DHRS7: variants seen among roughly 807,000 people sequenced by gnomAD.
The protein encoded by DHRS7 is dehydrogenase/reductase 7, also known as dehydrogenase/reductase SDR family member 7.
DHRS7 carries 34 observed loss-of-function variants against 38.9 expected under a neutral mutation model. The ratio of observed to expected loss-of-function variants is 0.87; its 90% CI spans 0.66 to 1.16. The LOEUF is 1.16. DHRS7 is among the 50% of genes most tolerant of loss of function. DHRS7 has a pLI of 0.00. For synonymous variants in DHRS7, 158 were observed against 153.1 expected, an observed-to-expected ratio of 1.03 and a Z score of -0.24; for missense variants, 421 against 407.0, an observed-to-expected ratio of 1.03 and a Z score of -0.30.
rs762296159 is a variant in DHRS7 at position 60,162,475 on chromosome 14, G to T, written c.133+2702C>A. 6.6e-6 allele frequency among the ~76,000 whole-genome samples: 1 copy of T among 152,096 alleles called. No individual in the cohort carries two copies. Among genetic ancestry groups the T allele is most frequent in the Non-Finnish European group, 1.5e-5 (1 of 68,024 alleles). On this transcript the variant is annotated intron_variant, in intron 1 of 6. Coordinates refer to ENST00000557185, the MANE Select transcript of DHRS7 (RefSeq NM_016029.4). This position sits in a 1 kb window ranked among gnomAD's most constrained non-coding sequence, Gnocchi z 4.5. The stretch of plus-strand genomic sequence containing the variant: ...GGAGGCAGGAAATGGTGGCTGCCTC[G>T]AGAGAAGCACACTAGGTAGCTAGGG...
At chr14:60,163,583 C>A (rs1290763488) in intron 1 of DHRS7, among the ~76,000 whole-genome samples, 1 of 152,274 alleles carries the variant, frequency 6.6e-6, no homozygotes, top group African/African-American at 2.4e-5. Flanking sequence ...TCAAACTGTT[C>A]TTTTCCGACA....
rs1429177425 is a variant in DHRS7 at position 60,144,840 on chromosome 14, C to T, written c.*126G>A. The stretch of plus-strand genomic sequence containing the variant: ...TTTTTATTTCATTCCATGTTGGAAG[C>T]AAAGTCATATCTATTAAAAAGTAAA... On this transcript the variant is annotated 3_prime_UTR_variant, in exon 7 of 7. Transcript: ENST00000557185. The T allele has an allele frequency of 3.7e-6, 3 of 802,914 alleles. No individual in the cohort carries two copies. Among genetic ancestry groups the T allele is most frequent in the South Asian group, 1.6e-5 (1 of 61,760 alleles). 49.7% of individuals were successfully genotyped at this position (802,914 alleles called of 1,614,324 possible). A position where few individuals can be genotyped will look rare whatever the true frequency, so the allele number is the denominator to read the frequency against.
In DHRS7 at chr14:60,153,247, G is replaced by A. The variant is rs1896587965; in HGVS notation, c.394-69C>T. 1.2e-5 allele frequency: 19 copies of A among 1,547,434 alleles called. No homozygotes were observed. In the South Asian group the frequency reaches 2.1e-4, roughly 17 times the overall value. ...GTGGATAGATTGATGGAATTCCTAT[G>A]GATGGTTGGTTATTTTGTTAACTTA... On this transcript the variant is annotated intron_variant, in intron 3 of 6. Coordinates refer to ENST00000557185, the MANE Select transcript of DHRS7 (RefSeq NM_016029.4). The surrounding 1 kb of genome is among the most constrained non-coding windows in gnomAD (Gnocchi z 4.4).
chr14:60,163,523 C>A (rs1260592050), intron 1 of DHRS7, among the ~76,000 whole-genome samples: 1 of 152,126 alleles, frequency 6.6e-6, no homozygotes, highest in African/African-American at 2.4e-5. Flanking sequence ...TGCAAATTTG[C>A]AAATTATATA....
At chr14:60,167,891 T>C (rs991367675), upstream of DHRS7, among the ~76,000 whole-genome samples, 2 of 152,142 alleles carry the variant, frequency 1.3e-5, no homozygotes, top group African/African-American at 4.8e-5. Flanking sequence ...TGTAAAGACA[T>C]ACCCAACAAA....
chr14:60,159,643 A>T (rs957013844), intron 1 of DHRS7, among the ~76,000 whole-genome samples: 1 of 146,506 alleles, frequency 6.8e-6, no homozygotes, highest in South Asian at 2.3e-4. Flanking sequence ...GCTTAGTAAG[A>T]TATACAAGAA....
upstream of DHRS7, chr14:60,168,554 C>A (rs1015111738): frequency 3.5e-5 from 37 of 1,071,572 alleles, no homozygotes; most frequent in Middle Eastern, 2.9e-4. Context: ...TTTGCAACTT[C>A]CTGTGAATCT....
upstream of DHRS7, chr14:60,168,569 T>C: frequency 8.3e-7 from 1 of 1,206,784 alleles, no homozygotes; most frequent in Non-Finnish European, 1.1e-6. Flanking sequence ...GAATCTATAA[T>C]CATTTTAAAG....
chr14:60,153,271 TAAAG>T lies in DHRS7; in HGVS notation c.394-97_394-94del. ...TGGATGGTTGGTTATTTTGTTAACTTAAAGAATCAATGGAACAATGGTATATTTC... is the reference window on the plus strand; with the variant it reads ...TGGATGGTTGGTTATTTTGTTAACTTAATCAATGGAACAATGGTATATTTC... On this transcript the variant is annotated intron_variant, in intron 3 of 6. Transcript: ENST00000557185. The surrounding 1 kb of genome is among the most constrained non-coding windows in gnomAD (Gnocchi z 4.4). The T allele has an allele frequency of 5.0e-6, 7 of 1,410,912 alleles. No individual in the cohort carries two copies. The highest frequency in any genetic ancestry group is 1.3e-5 in the South Asian group (1 of 77,814). 87.4% of individuals were successfully genotyped at this position (1,410,912 alleles called of 1,614,324 possible).
At chr14:60,149,606 G>C in intron 5 of DHRS7, 38 bp from the exon 6 acceptor site, 3 of 1,504,812 alleles carry the variant, frequency 2.0e-6, no homozygotes, top group Non-Finnish European at 2.7e-6. Context: ...TTATCCAAGC[G>C]ATTTCACATA....
In DHRS7 at chr14:60,144,968, A is replaced by C; in HGVS notation, c.1018T>G (p.Ter340GlyextTer17). 1 of 1,604,844 alleles carries C rather than the reference A, an allele frequency of 6.2e-7. No homozygotes were observed. Among genetic ancestry groups the C allele is most frequent in the Non-Finnish European group, 8.5e-7 (1 of 1,176,562 alleles). ...CTTGAAAAGTACAGGTGCTCTTTTC[A>C]GTCATGTTTTGTCTTAAAGATTTTA... ...YFKIFKTKHD[*>G] The change falls in exon 7 of 7, where the codon TGA (stop) becomes GGA (glycine). Residue 340 changes from the stop codon to glycine, a stop_lost. Coordinates refer to ENST00000557185, the MANE Select transcript of DHRS7 (RefSeq NM_016029.4).
At chr14:60,151,437 TA>T (rs1169159323) in intron 4 of DHRS7, among the ~76,000 whole-genome samples, 5 of 151,414 alleles carry the variant, frequency 3.3e-5, no homozygotes, top group African/African-American at 1.2e-4. Context: ...CCAAAAATGT[TA>T]AACAGTTATC....
At chr14:60,165,494 C>T (rs1896855456), upstream of DHRS7, 5 of 1,323,944 alleles carry the variant, frequency 3.8e-6, no homozygotes, top group Non-Finnish European at 9.6e-7. This position sits in a 1 kb window ranked among gnomAD's most constrained non-coding sequence, Gnocchi z 4.6. Context: ...CGCGGCCCCA[C>T]TCGCGGTCCT....
At chr14:60,167,498 G>C (rs1429120628), upstream of DHRS7, among the ~76,000 whole-genome samples, 3 of 147,068 alleles carry the variant, frequency 2.0e-5, no homozygotes, top group African/African-American at 7.3e-5. Flanking sequence ...ATGGTCTGGG[G>C]TCAGGCCCAT....
chr14:60,149,961 C>A, intron 5 of DHRS7, 104 bp downstream of exon 5: 2 of 1,197,072 alleles, frequency 1.7e-6, no homozygotes, highest in South Asian at 1.8e-5. Context: ...CACATAAAAG[C>A]ACTTCTAAGG....
rs1440824126 is a variant in DHRS7, at chr14:60,149,522, C to T, written c.803G>A (p.Arg268His). ...GCTGATTAACATCAGCCGCACACAA[C>T]GACTGGTTGTCATCTTGTGGGACTG... The part of the protein sequence containing the change: ...GDQSHKMTTS[R>H]CVRLMLISMA... Residue 268 changes from arginine to histidine, a missense_variant, in exon 6 of 7, where the codon CGT becomes CAT. Transcript: ENST00000557185. 9 of 1,613,832 alleles carry T rather than the reference C, an allele frequency of 5.6e-6. No homozygotes were observed. Among genetic ancestry groups the T allele is most frequent in the African/African-American group, 2.7e-5 (2 of 74,900 alleles).
intron 4 of DHRS7, among the ~76,000 whole-genome samples, chr14:60,151,482 G>T (rs974015260): frequency 4.0e-5 from 6 of 151,634 alleles, no homozygotes; most frequent in African/African-American, 1.5e-4. Context: ...AAACAGAGGG[G>T]CTATGAGGGT....
chr14:60,159,576 T>C (rs1467293723), intron 1 of DHRS7, among the ~76,000 whole-genome samples: 1 of 152,244 alleles, frequency 6.6e-6, no homozygotes, highest in African/African-American at 2.4e-5. Context: ...AAACTTAAGA[T>C]GAATGTTTTA....
Position 60,155,324 on chromosome 14 carries a change from C to T in DHRS7, c.286+676G>A, listed in dbSNP as rs569073633. ...ATTAGCTGGGTGTGGTGGTGCACGT[C>T]TGTGGCCCCAGCTACTCAGGAGGCT... On this transcript the variant is annotated intron_variant, in intron 2 of 6. Coordinates refer to ENST00000557185, the MANE Select transcript of DHRS7 (RefSeq NM_016029.4). Among the ~76,000 whole-genome samples, 18 of 152,240 alleles carry T rather than the reference C, an allele frequency of 1.2e-4. 1 individual carries two copies. The highest frequency in any genetic ancestry group is 8.5e-4 in the Admixed American group (13 of 15,292).
Sources: gnomAD v4.1 joint callset for allele counts (sites outside exome capture counted in the v4.1 genomes callset) on GRCh38, gnomAD v4.1.1 for gene constraint, Gnocchi (gnomAD v3.1) non-coding constraint, MANE v1.5 for transcripts, NCBI Gene and HGNC (gene_info 2026-07-23, HGNC 2026-07-21) for gene names.